The following ALAS2 variants were observed in gnomAD, a reference collection of about 807,000 sequenced individuals.
The protein encoded by ALAS2 is 5-aminolevulinate synthase, erythroid-specific, mitochondrial.
ALAS2 carries 3 observed loss-of-function variants against 33.7 expected under a neutral mutation model. The ratio of observed to expected loss-of-function variants is 0.09; its 90% CI spans 0.04 to 0.23. The LOEUF is 0.23. Among genes scored for constraint, ALAS2 ranks in the 10% least tolerant of loss-of-function variants. The pLI is 1.00. For missense variants in ALAS2, 304 were observed against 475.1 expected, an observed-to-expected ratio of 0.64 and a Z score of 3.35; for synonymous variants, 191 against 177.3, an observed-to-expected ratio of 1.08 and a Z score of -0.61.
chrX:55,024,918 T>G (rs989856609), intron 2 of ALAS2, 78 bp from the exon 3 acceptor site: 2 of 1,145,205 alleles, frequency 1.7e-6, no homozygotes, highest in African/African-American at 3.6e-5. Flanking sequence ...TGAGATCTAA[T>G]GTACCCCTAA....
At chrX:55,014,640 G>A in intron 9 of ALAS2, 107 bp downstream of exon 9, 2 of 960,812 alleles carry the variant, frequency 2.1e-6, no homozygotes, top group Non-Finnish European at 2.7e-6. Context: ...GGAATGGTTA[G>A]CAGGAAAGCA....
intron 6 of ALAS2, 74 bp from the exon 7 acceptor site, chrX:55,017,739 A>G: frequency 7.4e-6 from 8 of 1,075,543 alleles, no homozygotes; most frequent in Non-Finnish European, 1.0e-5. Context: ...TTGACCTGGC[A>G]AAGAAAAGGG....
rs377127748 is a variant in ALAS2 at position 55,013,577 on chromosome X, G to T, written c.1509C>A (p.Ala503=). 8.3e-7 allele frequency: 1 copy of T among 1,209,328 alleles called. No individual in the cohort carries two copies. The highest frequency in any genetic ancestry group is 3.0e-5 in the East Asian group (1 of 33,731). ...LLSKHGIYVQ[A]INYPTVPRGE... is the part of the protein sequence containing the mutation. ...CCCGGGGGACAGTTGGGTAGTTGAT[G>T]GCCTGCACATAGATGCCATGCTTGG... The change falls in exon 10 of 11, where the codon GCC becomes GCA. Residue 503 remains alanine (A), a synonymous_variant. Transcript: ENST00000650242.
chrX:55,022,714 A>G (rs1047575082), intron 4 of ALAS2, among the ~76,000 whole-genome samples: 5 of 111,868 alleles, frequency 4.5e-5, no homozygotes, highest in African/African-American at 9.8e-5. Flanking sequence ...AGATACATTC[A>G]AGGATGTTTG....
chrX:55,015,346 G>A (rs1935681161), intron 8 of ALAS2, among the ~76,000 whole-genome samples: 1 of 111,646 alleles, frequency 9.0e-6, no homozygotes, highest in African/African-American at 3.3e-5. Context: ...ACATACTCAA[G>A]TTGAATCTAA....
intron 6 of ALAS2, among the ~76,000 whole-genome samples, chrX:55,019,605 G>T (rs1935765592): frequency 9.0e-6 from 1 of 111,387 alleles, no homozygotes; most frequent in African/African-American, 3.3e-5. Flanking sequence ...TTAAGAGTAT[G>T]AATTTTTAGT....
Position 55,020,645 on chromosome X carries a change from A to G in ALAS2, c.639-141T>C, listed in dbSNP as rs1041501202. 18 of 608,211 alleles carry G rather than the reference A, an allele frequency of 3.0e-5. No individual in the cohort carries two copies. In the African/African-American group the frequency reaches 3.6e-4, roughly 12 times the overall value. The allele number at this position is 608,211 out of a possible 1,213,427, so 50.1% of individuals were successfully genotyped here. A position where few individuals can be genotyped will look rare whatever the true frequency, so the allele number is the denominator to read the frequency against. ...AACTGTGTCCTATGAGACAAAGTAG[A>G]GGGAAGGATGGGGAGGATAGGGAGA... On this transcript the variant is annotated intron_variant, in intron 5 of 10. Transcript: ENST00000650242.
At chrX:55,022,880 T>C (rs1315116058) in intron 4 of ALAS2, among the ~76,000 whole-genome samples, 1 of 111,690 alleles carries the variant, frequency 9.0e-6, no homozygotes, top group Non-Finnish European at 1.9e-5. Context: ...CAGTATATTG[T>C]TGAGTGAAAA....
chrX:55,020,992 T>TC, intron 5 of ALAS2, 60 bp downstream of exon 5: 3 of 1,074,290 alleles, frequency 2.8e-6, no homozygotes, highest in Non-Finnish European at 3.8e-6. Flanking sequence ...TTTTTTTTTT[T>TC]CCATGTGTGG....
Position 55,014,800 on chromosome X carries a change from T to C in ALAS2, c.1384A>G (p.Met462Val). 6.7e-6 allele frequency: 8 copies of C among 1,200,821 alleles called. No homozygotes were observed. The highest frequency in any genetic ancestry group is 6.0e-5 in the East Asian group (2 of 33,429). Residue 462 changes from methionine (M) to valine (V), a missense_variant, in exon 9 of 11, where the codon ATG (methionine) becomes GTG (valine). Around this residue, in one of 3 missense-constraint regions of ALAS2, gnomAD observed 95 missense variants for 127.0 expected, o/e 0.75. Transcript: ENST00000650242. ...GGGATGACAGGAAGGCCCCTGTCCA[T>C]GAGTAGCTGGCGCATGTGCTTGACA... ...RNVKHMRQLL[M>V]DRGLPVIPCP...
intron 10 of ALAS2, among the ~76,000 whole-genome samples, chrX:55,010,625 ACCT>A (rs1935586762): frequency 9.2e-6 from 1 of 108,671 alleles, no homozygotes; most frequent in African/African-American, 3.4e-5. Flanking sequence ...CACTAACTTC[ACCT>A]CCTTCAAATT....
At chrX:55,010,529 C>A (rs1354732605) in intron 10 of ALAS2, among the ~76,000 whole-genome samples, 1 of 110,953 alleles carries the variant, frequency 9.0e-6, no homozygotes, top group Non-Finnish European at 1.9e-5. Flanking sequence ...CTTACTGTTC[C>A]TCAAATATAA....
rs775350002 is a variant in ALAS2, at chrX:55,013,511, G to A, written c.1575C>T (p.Ser525=). The change falls in exon 10 of 11, where the codon AGC becomes AGT. Residue 525 remains serine, a synonymous_variant. Coordinates refer to ENST00000650242, the MANE Select transcript of ALAS2 (RefSeq NM_000032.5). ...LLRLAPSPHH[S]PQMMEDFVEK... ...CCACAAAATCTTCCATCATCTGAGGGCTGTGGTGGGGGGAGGGTGCCAAGC... is the reference window on the plus strand; with the variant it reads ...CCACAAAATCTTCCATCATCTGAGGACTGTGGTGGGGGGAGGGTGCCAAGC... 2.5e-6 allele frequency: 3 copies of A among 1,211,185 alleles called. No homozygotes were observed. The highest frequency in any genetic ancestry group is 3.0e-5 in the East Asian group (1 of 33,829).
chrX:55,015,977 G>C (rs1019261483), intron 7 of ALAS2, among the ~76,000 whole-genome samples: 130 of 102,310 alleles, frequency 1.3e-3, no homozygotes, highest in African/African-American at 4.6e-3. Flanking sequence ...GTGTGTGTGT[G>C]TGTGTGTGTG....
chrX:55,017,963 C>T (rs986192744), intron 6 of ALAS2, among the ~76,000 whole-genome samples: 2 of 111,355 alleles, frequency 1.8e-5, no homozygotes, highest in Admixed American at 9.5e-5. Flanking sequence ...TTTTTGAGGA[C>T]GGGACCTATT....
At chrX:55,013,984 C>T (rs983689992) in intron 9 of ALAS2, among the ~76,000 whole-genome samples, 1 of 110,557 alleles carries the variant, frequency 9.0e-6, no homozygotes, top group African/African-American at 3.3e-5. Flanking sequence ...TTCTGGAACC[C>T]CCGCCAAGCC....
intron 1 of ALAS2, among the ~76,000 whole-genome samples, chrX:55,027,182 A>G (rs762221913): frequency 3.2e-4 from 36 of 111,461 alleles, no homozygotes; most frequent in Non-Finnish European, 6.0e-4. Context: ...CTAGAGGATT[A>G]TACAAAGATT....
chrX:55,027,600 G>T, intron 1 of ALAS2: 1 of 542,262 alleles, frequency 1.8e-6, no homozygotes, highest in South Asian at 2.5e-5. Flanking sequence ...CTAAAGCACT[G>T]ACACTGTGAA....
chrX:55,013,310 C>A (rs900195352), intron 10 of ALAS2, among the ~76,000 whole-genome samples, 176 bp downstream of exon 10: 1 of 111,634 alleles, frequency 9.0e-6, no homozygotes, highest in Non-Finnish European at 1.9e-5. Context: ...AAACTGGAGC[C>A]CTACAAGTGT....
Sources: allele counts gnomAD v4.1 joint callset (sites outside exome capture counted in the v4.1 genomes callset), GRCh38; gene constraint gnomAD v4.1.1; regional missense constraint gnomAD v4.1.1; transcripts MANE v1.5; gene names NCBI Gene and HGNC (gene_info 2026-07-23, HGNC 2026-07-21).